The following QSOX2 variants were observed in gnomAD, a reference collection of about 807,000 sequenced individuals.
QSOX2 encodes sulfhydryl oxidase 2.
QSOX2 carries 46 observed loss-of-function variants against 61.7 expected under a neutral mutation model. That is an observed-to-expected ratio of 0.75 (90% CI 0.59 to 0.95). The LOEUF is 0.95. QSOX2 is among the 40% of genes least tolerant of loss of function. The probability of loss-of-function intolerance (pLI) is 0.00; values close to 1 mark genes in which losing one functional copy is unlikely to be tolerated. For missense variants in QSOX2, 879 were observed against 918.9 expected, an observed-to-expected ratio of 0.96 and a Z score of 0.56; for synonymous variants, 383 against 388.4, an observed-to-expected ratio of 0.99 and a Z score of 0.16.
chr9:136,212,739 A>C (rs1200485787), intron 10 of QSOX2, among the ~76,000 whole-genome samples: 1 of 152,206 alleles, frequency 6.6e-6, no homozygotes, highest in African/African-American at 2.4e-5. Flanking sequence ...GGGCCACCCT[A>C]ATCTTTAAAG....
At chr9:136,216,469 C>G in intron 9 of QSOX2, 131 bp downstream of exon 9, 3 of 1,250,726 alleles carry the variant, frequency 2.4e-6, no homozygotes, top group Non-Finnish European at 3.4e-6. Context: ...GTCGTGGAGA[C>G]AGTAAGTCAC....
chr9:136,210,558 C>G, intron 11 of QSOX2: 1 of 985,466 alleles, frequency 1.0e-6, no homozygotes, highest in Non-Finnish European at 1.2e-6. Context: ...ACCGAGGGAA[C>G]AAACCCCGCA....
intron 2 of QSOX2, among the ~76,000 whole-genome samples, chr9:136,225,739 T>C (rs976890825): frequency 6.6e-6 from 1 of 152,216 alleles, no homozygotes; most frequent in Non-Finnish European, 1.5e-5. Flanking sequence ...CCCACACACC[T>C]GGCAACGGGG....
At chr9:136,229,147 G>T (rs1366600236) in intron 1 of QSOX2, among the ~76,000 whole-genome samples, 2 of 152,208 alleles carry the variant, frequency 1.3e-5, no homozygotes, top group East Asian at 3.8e-4. Flanking sequence ...TCCCGCTTAC[G>T]CTGGCTAAGT....
chr9:136,240,785 T>G (rs1789784364), intron 1 of QSOX2, among the ~76,000 whole-genome samples: 1 of 152,186 alleles, frequency 6.6e-6, no homozygotes, highest in Non-Finnish European at 1.5e-5. Flanking sequence ...GGACTCTTGA[T>G]CCCCAGCATT....
At chr9:136,237,872 A>T (rs1334924183) in intron 1 of QSOX2, among the ~76,000 whole-genome samples, 1 of 152,268 alleles carries the variant, frequency 6.6e-6, no homozygotes, top group Non-Finnish European at 1.5e-5. Context: ...CGTCAACAAC[A>T]TTCTTCCACT....
intron 2 of QSOX2, 109 bp downstream of exon 2, chr9:136,226,665 C>G (rs1413936221): frequency 1.0e-5 from 9 of 880,590 alleles, no homozygotes; most frequent in Non-Finnish European, 1.6e-5. Flanking sequence ...GCCGAAAACA[C>G]AGGCACTATG....
Position 136,211,460 on chromosome 9 carries a change from G to C in QSOX2, c.1361-8C>G. The stretch of plus-strand genomic sequence containing the variant: ...GGGGGTCGTCTTCAAAGCCTGCAGG[G>C]GAAGAAACACTGCTGACAACGGCAG... On this transcript the variant is annotated splice_region_variant and splice_polypyrimidine_tract_variant and intron_variant, in intron 10 of 11. Coordinates refer to ENST00000358701, the MANE Select transcript of QSOX2 (RefSeq NM_181701.4). 1.2e-6 allele frequency: 2 copies of C among 1,612,150 alleles called. No individual in the cohort carries two copies. The highest frequency in any genetic ancestry group is 1.7e-6 in the Non-Finnish European group (2 of 1,178,418).
In QSOX2 at chr9:136,209,876, A is replaced by G. The variant is rs1339242097; in HGVS notation, c.1550-601T>C. Reference sequence around the variant, plus strand: ...CTCCAAAACTCGTTTCTGAAGTGACATGTGCTCACTTCCAGGCCCAACAGG... The same window carrying G: ...CTCCAAAACTCGTTTCTGAAGTGACGTGTGCTCACTTCCAGGCCCAACAGG... On this transcript the variant is annotated intron_variant, in intron 11 of 11. Transcript: ENST00000358701. This position sits in a 1 kb window ranked among gnomAD's most constrained non-coding sequence, Gnocchi z 5.6. 8 of 985,362 alleles carry G rather than the reference A, an allele frequency of 8.1e-6. No individual in the cohort carries two copies. Among genetic ancestry groups the G allele is most frequent in the Non-Finnish European group, 7.2e-6 (6 of 829,890 alleles). The allele number at this position is 985,362 out of a possible 1,614,324, so 61.0% of individuals were successfully genotyped here.
rs1831895329 is a variant in QSOX2, at chr9:136,215,286, T to C, written c.1228A>G (p.Thr410Ala). The change falls in exon 10 of 12, where the codon ACT (threonine) becomes GCT (alanine). Residue 410 changes from threonine to alanine, a missense_variant. Coordinates refer to ENST00000358701, the MANE Select transcript of QSOX2 (RefSeq NM_181701.4). ...CATCCAACCCACTTTATGTGATTAGTAAGGAATATTCCAGAAATCTGAAAA... is the reference window on the plus strand; with the variant it reads ...CATCCAACCCACTTTATGTGATTAGCAAGGAATATTCCAGAAATCTGAAAA... ...NKMRISGIFLTNHIKWVGCQG... is the reference protein window; with the variant it reads ...NKMRISGIFLANHIKWVGCQG... The C allele has an allele frequency of 2.5e-6, 4 of 1,612,302 alleles. No homozygotes were observed. The highest frequency in any genetic ancestry group is 1.3e-5 in the African/African-American group (1 of 74,624).
In QSOX2 at chr9:136,226,800, C is replaced by T. The variant is rs750150917; in HGVS notation, c.403G>A (p.Asp135Asn). 6 of 1,614,150 alleles carry T rather than the reference C, an allele frequency of 3.7e-6. No individual in the cohort carries two copies. The highest frequency in any genetic ancestry group is 4.5e-5 in the East Asian group (2 of 44,880). The change falls in exon 2 of 12, where the codon GAC becomes AAC. Residue 135 changes from aspartate (D) to asparagine (N), a missense_variant. Coordinates refer to ENST00000358701, the MANE Select transcript of QSOX2 (RefSeq NM_181701.4). ...CGGAAGGTGGGGTAGAAGTGGATGT[C>T]GTAGTCATGGCACACGGCCTGGTTC... ...EKNQAVCHDY[D>N]IHFYPTFRYF...
At chr9:136,236,359 G>A (rs774185329) in intron 1 of QSOX2, among the ~76,000 whole-genome samples, 10 of 152,256 alleles carry the variant, frequency 6.6e-5, no homozygotes, top group Admixed American at 2.0e-4. Flanking sequence ...TCCTTCAGCC[G>A]GACTAGACGG....
At position 136,219,150 on chromosome 9, in the gene QSOX2, C is replaced by A. The variant is rs766516788; in HGVS notation, c.836G>T (p.Arg279Leu). 3 of 1,613,810 alleles carry A rather than the reference C, an allele frequency of 1.9e-6. No homozygotes were observed. Among genetic ancestry groups the A allele is most frequent in the Non-Finnish European group, 2.5e-6 (3 of 1,179,942 alleles). ...HGLINVVKPL[R>L]AFFSSYLKSL... is the part of the protein sequence containing the mutation. ...CTTCAAATAAGACGAAAAGAAGGCCCGCAGAGGCTTCACGCTGTGAGAGAG... is the reference window on the plus strand; with the variant it reads ...CTTCAAATAAGACGAAAAGAAGGCCAGCAGAGGCTTCACGCTGTGAGAGAG... Residue 279 changes from arginine (R) to leucine (L), a missense_variant, in exon 7 of 12, where the codon CGG becomes CTG. Arg to Leu is a moderately radical substitution (Grantham distance 102). Transcript: ENST00000358701.
intron 1 of QSOX2, among the ~76,000 whole-genome samples, chr9:136,241,686 T>C (rs777224717): frequency 6.6e-6 from 1 of 152,230 alleles, no homozygotes; most frequent in African/African-American, 2.4e-5. Context: ...ACCTGCAACA[T>C]GAGCGCCCCC....
intron 1 of QSOX2, among the ~76,000 whole-genome samples, 177 bp downstream of exon 1, chr9:136,245,299 T>C (rs969204311): frequency 2.6e-5 from 4 of 152,036 alleles, no homozygotes; most frequent in African/African-American, 4.8e-5. Flanking sequence ...CTCCCGCCCC[T>C]GGAAAGGCCA....
intron 1 of QSOX2, among the ~76,000 whole-genome samples, chr9:136,241,417 C>A (rs1431053785): frequency 6.6e-6 from 1 of 152,228 alleles, no homozygotes; most frequent in Non-Finnish European, 1.5e-5. Context: ...AGTTCTAATT[C>A]ATCTCCAAGA....
At chr9:136,216,538 G>A (rs1831915647) in intron 9 of QSOX2, 62 bp downstream of exon 9, 1 of 1,596,508 alleles carries the variant, frequency 6.3e-7, no homozygotes, top group Non-Finnish European at 8.6e-7. Context: ...CCAGCTAAGG[G>A]CAAGGGAAGG....
rs1396761145 is a variant in QSOX2, at chr9:136,223,424, G to T, written c.675+339C>A. Among the ~76,000 whole-genome samples the T allele has an allele frequency of 6.6e-6, 1 of 152,162 alleles. No individual in the cohort carries two copies. Among genetic ancestry groups the T allele is most frequent in the African/African-American group, 2.4e-5 (1 of 41,422 alleles). On this transcript the variant is annotated intron_variant, in intron 5 of 11. Transcript: ENST00000358701. The surrounding 1 kb of genome is among the most constrained non-coding windows in gnomAD (Gnocchi z 4.4). ...GAATACGGCAACGAAAAAAATCTTA[G>T]TAATAATGCATACAAAATACAGAAT...
intron 3 of QSOX2, among the ~76,000 whole-genome samples, chr9:136,224,528 C>T (rs951719549): frequency 6.6e-6 from 1 of 152,214 alleles, no homozygotes; most frequent in African/African-American, 2.4e-5. Flanking sequence ...GGTCTGATCA[C>T]ACTCTGGGCG....
Sources: allele counts gnomAD v4.1 joint callset (sites outside exome capture counted in the v4.1 genomes callset), GRCh38; gene constraint gnomAD v4.1.1; non-coding constraint Gnocchi (gnomAD v3.1); transcripts MANE v1.5; gene names NCBI Gene and HGNC (gene_info 2026-07-23, HGNC 2026-07-21).